KCNMB3: variants seen among roughly 807,000 people sequenced by gnomAD.
The protein encoded by KCNMB3 is calcium-activated potassium channel subunit beta-3.
A neutral mutation model predicts 11.9 loss-of-function variants in KCNMB3; 18 were observed. The ratio of observed to expected loss-of-function variants is 1.51; its 90% CI spans 1.04 to 2.23. The LOEUF is 2.23. Among genes scored for constraint, KCNMB3 ranks in the 30% most tolerant of loss-of-function variants. The pLI, the probability that KCNMB3 is intolerant of heterozygous loss-of-function variation, is 0.00. For missense variants in KCNMB3, 247 were observed against 329.4 expected (o/e 0.75, Z 1.94); for synonymous variants, 78 against 119.2 (o/e 0.65, Z 2.25).
chr3:179,266,943 G>A, exon 1 of KCNMB3: 2 of 1,338,792 alleles, frequency 1.5e-6, no homozygotes, highest in Middle Eastern at 2.8e-4. Context: ...AGTTCTAGAT[G>A]ATCAAGAAGG....
chr3:179,257,480 T>A (rs916050274), intron 1 of KCNMB3, among the ~76,000 whole-genome samples: 2 of 152,212 alleles, frequency 1.3e-5, no homozygotes, highest in Admixed American at 6.5e-5. Flanking sequence ...TTTCTTTATA[T>A]AGAAAACAGA....
intron 1 of KCNMB3, chr3:179,260,173 CCA>C (rs2108456017): frequency 1.9e-6 from 3 of 1,612,674 alleles, no homozygotes; most frequent in Non-Finnish European, 2.5e-6. Context: ...GCTGCCTCTC[CCA>C]CATTCTCTGT....
intron 1 of KCNMB3, chr3:179,260,637 G>C: frequency 1.5e-6 from 2 of 1,344,000 alleles, no homozygotes; most frequent in African/African-American, 1.4e-5. Flanking sequence ...ACATTACTGA[G>C]AGTGTCGGAA....
At chr3:179,257,721 C>CT (rs765359840) in intron 1 of KCNMB3, among the ~76,000 whole-genome samples, 139 of 151,948 alleles carry the variant, frequency 9.1e-4, no homozygotes, top group Non-Finnish European at 1.1e-3. Context: ...AAAACTTTTT[C>CT]TTTTTTTTAG....
At chr3:179,259,273 G>A (rs1013580631) in intron 1 of KCNMB3, 1 of 1,546,082 alleles carries the variant, frequency 6.5e-7, no homozygotes, top group Non-Finnish European at 8.7e-7. Context: ...ACGGTGCAGT[G>A]ATCTGCATCT....
At chr3:179,260,555 A>G in intron 1 of KCNMB3, 1 of 1,590,824 alleles carries the variant, frequency 6.3e-7, no homozygotes, top group Non-Finnish European at 8.6e-7. Flanking sequence ...TGGCTTTCCT[A>G]GGGTCCCATC....
intron 1 of KCNMB3, chr3:179,261,100 T>A: frequency 8.3e-7 from 1 of 1,206,440 alleles, no homozygotes; most frequent in Non-Finnish European, 1.2e-6. Flanking sequence ...CAGTAAAATA[T>A]TTTTCTGGTC....
intron 1 of KCNMB3, chr3:179,259,784 T>A (rs1183778194): frequency 6.2e-7 from 1 of 1,602,340 alleles, no homozygotes; most frequent in Non-Finnish European, 8.5e-7. Flanking sequence ...GGTCATTCTT[T>A]TCTTCATCTG....
chr3:179,245,514 T>A (rs28653701), intron 1 of KCNMB3, among the ~76,000 whole-genome samples: 1 of 147,606 alleles, frequency 6.8e-6, no homozygotes, highest in Admixed American at 6.8e-5. Flanking sequence ...TTAATTTTTT[T>A]GGGGGGGGGG....
intron 1 of KCNMB3, among the ~76,000 whole-genome samples, chr3:179,261,609 G>C (rs1726219367): frequency 6.6e-6 from 1 of 152,140 alleles, no homozygotes; most frequent in South Asian, 2.1e-4. Context: ...CATTACTATG[G>C]TGTGAAAGCA....
upstream of KCNMB3, among the ~76,000 whole-genome samples, chr3:179,253,159 G>A (rs1339557193): frequency 6.6e-6 from 1 of 152,162 alleles, no homozygotes; most frequent in Non-Finnish European, 1.5e-5. Context: ...TCTAAAGCTG[G>A]ACTTTAGTTG....
chr3:179,258,458 T>G (rs1410800629), intron 1 of KCNMB3, among the ~76,000 whole-genome samples: 1 of 152,224 alleles, frequency 6.6e-6, no homozygotes, highest in East Asian at 1.9e-4. Flanking sequence ...AAAATGATTA[T>G]TGTTCTAAGG....
rs568383930 is a variant in KCNMB3, at chr3:179,261,197, C to T, written c.62+5452G>A. ...GCGGGCCTCCCGTTTTGCGGCGAGC[C>T]GGGCCTCCGCCAGCCTCTGCGCTTC... On this transcript the variant is annotated intron_variant, in intron 1 of 3. Coordinates refer to the KCNMB3 transcript ENST00000349697. The T allele has an allele frequency of 5.4e-5, 73 of 1,349,254 alleles. No homozygotes were observed. The South Asian group carries it at 8.4e-4, about 15-fold the overall frequency. 83.6% of individuals were successfully genotyped at this position (1,349,254 alleles called of 1,614,324 possible).
chr3:179,255,110 A>G (rs1461868860), upstream of KCNMB3, among the ~76,000 whole-genome samples: 1 of 152,094 alleles, frequency 6.6e-6, no homozygotes, highest in Non-Finnish European at 1.5e-5. Context: ...TGTTGCAGTG[A>G]GCTGAGATCG....
intron 1 of KCNMB3, chr3:179,259,930 C>G: frequency 6.2e-7 from 1 of 1,613,230 alleles, no homozygotes; most frequent in Non-Finnish European, 8.5e-7. Flanking sequence ...AATCCTTTTT[C>G]TTCACCCTCT....
At chr3:179,252,731 CTT>C (rs386398672), upstream of KCNMB3, among the ~76,000 whole-genome samples, 13 of 128,514 alleles carry the variant, frequency 1.0e-4, no homozygotes, top group Admixed American at 7.8e-5. Flanking sequence ...TGAACCTGTA[CTT>C]TTTTTTTTTT....
chr3:179,255,588 ATAGAT>A (rs1328672786), upstream of KCNMB3, among the ~76,000 whole-genome samples: 4 of 152,178 alleles, frequency 2.6e-5, no homozygotes, highest in South Asian at 2.1e-4. Flanking sequence ...GACATGAAAG[ATAGAT>A]TAAATAGTGT....
rs776671233 is a variant in KCNMB3, at chr3:179,262,549, G to T, written c.62+4100C>A. Among the ~76,000 whole-genome samples the T allele has an allele frequency of 2.4e-4, 36 of 152,336 alleles. 1 individual carries two copies. The highest frequency in any genetic ancestry group is 1.5e-4 in the Non-Finnish European group (10 of 68,034). Reference sequence around the variant, plus strand: ...AAAGGAACAAATCCTCCACAGCGTGGAAAGGGACCTGAGCAGGTTGCCACT... The same window carrying T: ...AAAGGAACAAATCCTCCACAGCGTGTAAAGGGACCTGAGCAGGTTGCCACT... On this transcript the variant is annotated intron_variant, in intron 1 of 3. Coordinates refer to the KCNMB3 transcript ENST00000349697.
chr3:179,240,997 G>A (rs973790302), downstream of KCNMB3: 3 of 152,066 alleles, frequency 2.0e-5, no homozygotes, highest in Non-Finnish European at 2.9e-5. Flanking sequence ...TTAAACAGCA[G>A]GTTCTGGGCC....
Sources: gnomAD v4.1 joint callset for allele counts (sites outside exome capture counted in the v4.1 genomes callset) on GRCh38, gnomAD v4.1.1 for gene constraint, MANE v1.5 for transcripts, NCBI Gene and HGNC (gene_info 2026-07-23, HGNC 2026-07-21) for gene names.